Variants in SV2C observed in about 807,000 individuals in gnomAD.
The protein encoded by SV2C is synaptic vesicle glycoprotein 2C, also known as solute carrier family 22 member B3.
SV2C carries 49 observed loss-of-function variants against 79.7 expected under a neutral mutation model. The ratio of observed to expected loss-of-function variants is 0.61; its 90% CI spans 0.49 to 0.78. SV2C has a LOEUF of 0.78. Ranked by LOEUF, SV2C falls within the 30% of genes least tolerant of loss-of-function variation. SV2C has a pLI of 0.00. For missense variants in SV2C, 833 were observed against 912.9 expected, an observed-to-expected ratio of 0.91 and a Z score of 1.13; for synonymous variants, 334 against 333.2, an observed-to-expected ratio of 1.00 and a Z score of -0.03.
rs572409064 is a variant in SV2C, at chr5:76,277,809, T to C, written c.914-7353T>C. ...TATGTACAATATGATTCCATTTATATGATATTCTAGAAAAGACAAAACTAT... is the reference window on the plus strand; with the variant it reads ...TATGTACAATATGATTCCATTTATACGATATTCTAGAAAAGACAAAACTAT... On this transcript the variant is annotated intron_variant, in intron 4 of 12. Coordinates refer to ENST00000502798, the MANE Select transcript of SV2C (RefSeq NM_014979.4). Among the ~76,000 whole-genome samples the C allele has an allele frequency of 1.8e-4, 27 of 150,988 alleles. No homozygotes were observed. The South Asian group carries it at 5.2e-3, about 29-fold the overall frequency.
chr5:75,891,651 A>G, the SV2C span, among the ~76,000 whole-genome samples: 1 of 152,156 alleles, frequency 6.6e-6, no homozygotes, highest in East Asian at 1.9e-4. Context: ...GTTATAACAG[A>G]TGGCATGAAA....
At chr5:76,070,746 T>G in the SV2C span, among the ~76,000 whole-genome samples, 1 of 152,220 alleles carries the variant, frequency 6.6e-6, no homozygotes, top group African/African-American at 2.4e-5. Context: ...AGGAAATCTC[T>G]TCACTGAGCA....
At chr5:75,980,612 A>G in the SV2C span, among the ~76,000 whole-genome samples, 3 of 152,142 alleles carry the variant, frequency 2.0e-5, no homozygotes, top group Non-Finnish European at 4.4e-5. Flanking sequence ...AGGAAAAAAA[A>G]TATGATTATC....
rs1744717140 is a variant in SV2C, at chr5:76,209,843, G to A, written c.869G>A (p.Gly290Asp). 1.2e-6 allele frequency: 2 copies of A among 1,614,072 alleles called. No individual in the cohort carries two copies. The highest frequency in any genetic ancestry group is 1.7e-6 in the Non-Finnish European group (2 of 1,180,044). The change falls in exon 4 of 13, where the codon GGC (glycine) becomes GAC (aspartate). Residue 290 changes from glycine (G) to aspartate (D), a missense_variant. Transcript: ENST00000502798. ...CTCTGCATGTTCTGGATGATCGGTG[G>A]CATCTACGCCTCTGCCATGGCCTGG... ...SWLCMFWMIG[G>D]IYASAMAWAI...
At chr5:75,987,822 C>G in the SV2C span, among the ~76,000 whole-genome samples, 20 of 152,102 alleles carry the variant, frequency 1.3e-4, 1 homozygote, top group Admixed American at 1.2e-3. Flanking sequence ...CACTAATTGT[C>G]TTAGTTAATG....
At chr5:75,920,750 G>C in the SV2C span, 1 of 779,014 alleles carries the variant, frequency 1.3e-6, no homozygotes, top group South Asian at 1.4e-5. Flanking sequence ...TGCGGTTCAG[G>C]AGGATGGTCT....
chr5:76,114,321 G>T (rs971616720), intron 1 of SV2C, among the ~76,000 whole-genome samples: 1 of 152,236 alleles, frequency 6.6e-6, no homozygotes, highest in East Asian at 1.9e-4. Flanking sequence ...ATAAACAAAG[G>T]CGGCTGCTTT....
chr5:76,246,163 A>T (rs772294806), intron 4 of SV2C, among the ~76,000 whole-genome samples: 11 of 152,140 alleles, frequency 7.2e-5, no homozygotes, highest in Non-Finnish European at 1.6e-4. Flanking sequence ...GGGAAAAAAA[A>T]GACAATACCT....
rs60767964 is a variant in SV2C at position 76,245,936 on chromosome 5, ATG to A, written c.913+36075_913+36076del. 6.4e-3 allele frequency among the ~76,000 whole-genome samples: 819 copies of A among 128,548 alleles called. 4 individuals carry two copies. The highest frequency in any genetic ancestry group is 0.016 in the Middle Eastern group (4 of 244). The allele number at this position is 128,548 out of a possible 152,430, so 84.3% of individuals were successfully genotyped here. On this transcript the variant is annotated intron_variant, in intron 4 of 12. Coordinates refer to ENST00000502798, the MANE Select transcript of SV2C (RefSeq NM_014979.4). ...AGTGTGTGTGTGTGTGTGTGTGTGTATGTGTGTGTGTGTGTGTGTGTGTGTGT... is the reference window on the plus strand; with the variant it reads ...AGTGTGTGTGTGTGTGTGTGTGTGTATGTGTGTGTGTGTGTGTGTGTGTGT...
intron 2 of SV2C, among the ~76,000 whole-genome samples, chr5:76,161,331 G>A (rs1051172996): frequency 2.0e-5 from 3 of 152,138 alleles, no homozygotes; most frequent in Non-Finnish European, 4.4e-5. Flanking sequence ...AAGCTATTGA[G>A]ACAGAAAGTA....
intron 2 of SV2C, among the ~76,000 whole-genome samples, chr5:76,190,409 C>T (rs1405960145): frequency 6.6e-6 from 1 of 152,142 alleles, no homozygotes; most frequent in East Asian, 1.9e-4. Context: ...AGAAAATTAC[C>T]AAGAGGAAAC....
the SV2C span, among the ~76,000 whole-genome samples, chr5:75,896,305 C>T: frequency 6.7e-6 from 1 of 149,198 alleles, no homozygotes; most frequent in Non-Finnish European, 1.5e-5. Context: ...TGAGTGAGAA[C>T]ATGCGGTGTT....
At chr5:75,955,713 A>G in the SV2C span, among the ~76,000 whole-genome samples, 1 of 148,662 alleles carries the variant, frequency 6.7e-6, no homozygotes, top group East Asian at 1.9e-4. Flanking sequence ...AAAACAAACA[A>G]CCCCATCAAA....
chr5:76,173,492 A>G (rs1044434289), intron 2 of SV2C: 4 of 870,978 alleles, frequency 4.6e-6, no homozygotes, highest in Middle Eastern at 3.3e-4. Flanking sequence ...AGTAGCTTTC[A>G]TCCGCCTCTT....
intron 12 of SV2C, among the ~76,000 whole-genome samples, chr5:76,350,773 T>C (rs149145572): frequency 4.4e-4 from 67 of 152,300 alleles, no homozygotes; most frequent in Middle Eastern, 3.4e-3. Flanking sequence ...CCCAGCACTT[T>C]GGGAGGCCGA....
chr5:76,085,464 G>A lies in SV2C; in HGVS notation c.-102+1952G>A, dbSNP rs367595953. ...CACTTTCTGGAAACCCAGTGACAAA[G>A]TTTTTCTACTGGCTTTACTGAAGGA... On this transcript the variant is annotated intron_variant, in intron 1 of 12. Coordinates refer to ENST00000502798, the MANE Select transcript of SV2C (RefSeq NM_014979.4). Among the ~76,000 whole-genome samples the A allele has an allele frequency of 5.6e-4, 85 of 152,068 alleles. No individual in the cohort carries two copies. In the South Asian group the frequency reaches 0.017, roughly 31 times the overall value.
chr5:76,177,190 TATATTAATATATACAAA>T (rs1161294658), intron 2 of SV2C, among the ~76,000 whole-genome samples: 21 of 94,450 alleles, frequency 2.2e-4, no homozygotes, highest in African/African-American at 5.8e-4. Flanking sequence ...CAATATATTA[TATATTAATATATACAAA>T]TAATATATAC....
At chr5:76,188,545 A>T (rs958570500) in intron 2 of SV2C, among the ~76,000 whole-genome samples, 1 of 152,166 alleles carries the variant, frequency 6.6e-6, no homozygotes, top group Non-Finnish European at 1.5e-5. Flanking sequence ...ATGGTAGTAG[A>T]ATGAAGACTA....
chr5:76,230,377 A>T (rs1171381864), intron 4 of SV2C, among the ~76,000 whole-genome samples: 1 of 152,216 alleles, frequency 6.6e-6, no homozygotes, highest in Non-Finnish European at 1.5e-5. Flanking sequence ...TGATATGGTC[A>T]TGGGGAGGGT....
Sources: allele counts gnomAD v4.1 joint callset (sites outside exome capture counted in the v4.1 genomes callset), GRCh38; gene constraint gnomAD v4.1.1; transcripts MANE v1.5; gene names NCBI Gene and HGNC (gene_info 2026-07-23, HGNC 2026-07-21).